The following TENM4 variants were observed in gnomAD, a reference collection of about 807,000 sequenced individuals.
TENM4 encodes teneurin-4.
A neutral mutation model predicts 243.3 loss-of-function variants in TENM4; 82 were observed. The ratio of observed to expected loss-of-function variants is 0.34; its 90% CI spans 0.28 to 0.40. The LOEUF is 0.40. Ranked by LOEUF, TENM4 falls within the 10% of genes least tolerant of loss-of-function variation. The pLI is 1.00. For synonymous variants in TENM4, 1,412 were observed against 1,456.3 expected (o/e 0.97, Z 0.69); for missense variants, 3,138 against 3,673.3 (o/e 0.85, Z 3.77).
At chr11:79,100,032 T>C (rs1861185939) in intron 4 of TENM4, among the ~76,000 whole-genome samples, 1 of 152,158 alleles carries the variant, frequency 6.6e-6, no homozygotes. Context: ...GTTTTTAGCA[T>C]CTTTAGCAAT....
intron 12 of TENM4, among the ~76,000 whole-genome samples, chr11:78,853,055 G>C (rs1565407092): frequency 6.6e-6 from 1 of 151,306 alleles, no homozygotes; most frequent in East Asian, 1.9e-4. Flanking sequence ...ACCTAGCCTG[G>C]ATTCAGAAAC....
chr11:78,670,111 G>C lies in TENM4; in HGVS notation c.6234C>G (p.Asn2078Lys). 1 of 1,613,940 alleles carries C rather than the reference G, an allele frequency of 6.2e-7. No homozygotes were observed. The highest frequency in any genetic ancestry group is 2.2e-5 in the East Asian group (1 of 44,880). The change falls in exon 32 of 34, where the codon AAC (asparagine) becomes AAG (lysine). Residue 2078 changes from asparagine (N) to lysine (K), a missense_variant. Asn to Lys is a moderately conservative substitution (Grantham distance 94). This residue lies in a region of TENM4 where 2,467 missense variants were observed against 3,059.1 expected (regional missense o/e 0.81). Coordinates refer to ENST00000278550, the MANE Select transcript of TENM4 (RefSeq NM_001098816.3). ...IFRFTEEGMV[N>K]ARFDYNYDNS... ...TGTCATAGTTGTAGTCAAAACGGGC[G>C]TTGACCATGCCTTCCTCAGTGAAGC...
At chr11:78,690,846 T>C (rs962625125) in intron 28 of TENM4, among the ~76,000 whole-genome samples, 1 of 152,220 alleles carries the variant, frequency 6.6e-6, no homozygotes, top group Non-Finnish European at 1.5e-5. Context: ...CTAGGCTGAC[T>C]CTTTGAACAC....
At chr11:79,100,012 C>T (rs1017477055) in intron 4 of TENM4, among the ~76,000 whole-genome samples, 3 of 152,180 alleles carry the variant, frequency 2.0e-5, no homozygotes, top group African/African-American at 4.8e-5. Context: ...AGCACTTTCA[C>T]GCCAGGGCCG....
intron 6 of TENM4, among the ~76,000 whole-genome samples, chr11:78,972,519 G>A (rs979925913): frequency 8.5e-5 from 13 of 152,064 alleles, no homozygotes; most frequent in Non-Finnish European, 1.2e-4. Flanking sequence ...TGTTTCACCC[G>A]CCTGCCTGGG....
At chr11:78,783,786 T>C (rs1856882772) in intron 16 of TENM4, among the ~76,000 whole-genome samples, 1 of 152,218 alleles carries the variant, frequency 6.6e-6, no homozygotes, top group African/African-American at 2.4e-5. Context: ...AAGAATCATG[T>C]AGCTTCCATG....
chr11:79,184,394 C>T (rs78461274), intron 3 of TENM4, among the ~76,000 whole-genome samples: 1,768 of 152,152 alleles, frequency 0.012, 43 homozygotes, highest in African/African-American at 0.041. Flanking sequence ...CAATAGGGTT[C>T]GCACTCTTAA....
intron 1 of TENM4, among the ~76,000 whole-genome samples, chr11:79,424,923 G>C (rs1949605814): frequency 6.6e-6 from 1 of 152,168 alleles, no homozygotes. Context: ...GACAGAATGA[G>C]ACTCCATTTC....
At chr11:79,136,353 C>T (rs1862109887) in intron 4 of TENM4, among the ~76,000 whole-genome samples, 1 of 152,130 alleles carries the variant, frequency 6.6e-6, no homozygotes, top group Non-Finnish European at 1.5e-5. Context: ...ATTCTATGAA[C>T]ACCACTCAGC....
chr11:79,162,281 T>A (rs982530697), intron 3 of TENM4, among the ~76,000 whole-genome samples: 2 of 152,164 alleles, frequency 1.3e-5, no homozygotes, highest in African/African-American at 4.8e-5. Context: ...TGGGAAAAAT[T>A]AATTAAACTT....
intron 6 of TENM4, among the ~76,000 whole-genome samples, chr11:79,052,989 T>A (rs1859840974): frequency 6.6e-6 from 1 of 152,228 alleles, no homozygotes; most frequent in Admixed American, 6.5e-5. Context: ...CTTTGTTTCA[T>A]GTTCCTGAGT....
chr11:78,935,035 C>G (rs372878025), intron 6 of TENM4, among the ~76,000 whole-genome samples: 1 of 113,352 alleles, frequency 8.8e-6, no homozygotes, highest in Admixed American at 1.2e-4. Flanking sequence ...GACGGAGTCT[C>G]GCTCTGTCGC....
At chr11:79,414,843 C>T (rs1327570234) in intron 1 of TENM4, among the ~76,000 whole-genome samples, 1 of 152,188 alleles carries the variant, frequency 6.6e-6, no homozygotes, top group Non-Finnish European at 1.5e-5. Flanking sequence ...CCGGGTGCCT[C>T]CTGAGCTCCT....
At chr11:79,384,549 T>C (rs490446) in intron 1 of TENM4, among the ~76,000 whole-genome samples, 81,113 of 151,330 alleles carry the variant, frequency 0.54, 21,641 homozygotes, top group Non-Finnish European at 0.55. Context: ...TGTATGAACA[T>C]GCACAAACTA....
intron 6 of TENM4, among the ~76,000 whole-genome samples, chr11:78,997,159 T>C (rs1403036712): frequency 6.6e-6 from 1 of 152,160 alleles, no homozygotes; most frequent in Non-Finnish European, 1.5e-5. Flanking sequence ...GCTCCTAAGA[T>C]AGTGTTTGGT....
intron 3 of TENM4, among the ~76,000 whole-genome samples, chr11:79,203,531 A>T (rs576124338): frequency 6.6e-6 from 1 of 152,230 alleles, no homozygotes; most frequent in South Asian, 2.1e-4. Context: ...CTATACATAC[A>T]TATCTATAAT....
chr11:78,925,326 T>A (rs910321206), intron 6 of TENM4, among the ~76,000 whole-genome samples: 1 of 151,952 alleles, frequency 6.6e-6, no homozygotes, highest in South Asian at 2.1e-4. Context: ...AAAGTGTGTA[T>A]GTATGTGTGT....
intron 3 of TENM4, among the ~76,000 whole-genome samples, chr11:79,195,133 T>C (rs1590785294): frequency 2.0e-5 from 3 of 152,238 alleles, no homozygotes; most frequent in African/African-American, 4.8e-5. Flanking sequence ...GAGTCAATAA[T>C]TGAGGTTTGG....
chr11:78,872,979 AGCC>A (rs1859174670), intron 9 of TENM4, among the ~76,000 whole-genome samples: 2 of 152,184 alleles, frequency 1.3e-5, no homozygotes, highest in East Asian at 3.9e-4. Context: ...CTTAACGTGG[AGCC>A]TGCCACCCAG....
Sources: allele counts gnomAD v4.1 joint callset (sites outside exome capture counted in the v4.1 genomes callset), GRCh38; gene constraint gnomAD v4.1.1; regional missense constraint gnomAD v4.1.1; transcripts MANE v1.5; gene names NCBI Gene and HGNC (gene_info 2026-07-23, HGNC 2026-07-21).